Variants in MAD1L1 observed in about 807,000 individuals in gnomAD.
MAD1L1 encodes the protein mitotic arrest deficient 1 like 1, also known as mitotic spindle assembly checkpoint protein MAD1.
Under a neutral mutation model 96.9 loss-of-function variants are expected in MAD1L1, and 95 were observed. The observed-to-expected ratio is 0.98, with a 90% CI of 0.83 to 1.16. The LOEUF (loss-of-function observed/expected upper bound fraction) is 1.16. MAD1L1 is among the 50% of genes most tolerant of loss of function. MAD1L1 has a pLI of 0.00. For synonymous variants in MAD1L1, 473 were observed against 396.6 expected (o/e 1.19, Z -2.29); for missense variants, 1,007 against 954.4 (o/e 1.06, Z -0.73).
At chr7:2,031,625 T>C (rs3934792) in intron 12 of MAD1L1, among the ~76,000 whole-genome samples, 29,104 of 152,278 alleles carry the variant, frequency 0.19, 5,493 homozygotes, top group African/African-American at 0.48. Flanking sequence ...GTGGGTGCCG[T>C]GCACATCTGG....
intron 11 of MAD1L1, among the ~76,000 whole-genome samples, chr7:2,118,548 G>A (rs908504574): frequency 9.2e-5 from 14 of 152,210 alleles, no homozygotes; most frequent in African/African-American, 3.4e-4. Context: ...CAACACACTG[G>A]GCCAGCATTT....
chr7:2,219,413 C>G lies in MAD1L1; in HGVS notation c.515G>C (p.Ser172Thr), dbSNP rs1215004419. ...LKGRISELQW[S>T]VMDQEMRVKR... ...CACCCGCATCTCCTGGTCCATCACG[C>G]TCCACTGCAGTTCCGAGATCCTCCC... The change falls in exon 6 of 19, where the codon AGC becomes ACC. Residue 172 changes from serine to threonine, a missense_variant. Transcript: ENST00000265854. The G allele has an allele frequency of 6.2e-7, 1 of 1,613,358 alleles. No individual in the cohort carries two copies.
At chr7:2,002,569 G>C (rs1781846436) in intron 13 of MAD1L1, among the ~76,000 whole-genome samples, 1 of 152,136 alleles carries the variant, frequency 6.6e-6, no homozygotes, top group Admixed American at 6.5e-5. Context: ...CCAGGCAGAG[G>C]CCCCACCTCA....
chr7:2,218,571 G>A (rs556072875), intron 6 of MAD1L1, among the ~76,000 whole-genome samples: 61 of 152,206 alleles, frequency 4.0e-4, no homozygotes, highest in African/African-American at 1.4e-3. Context: ...TCCCTTCCCA[G>A]CCACGCCCCC....
rs1237678746 is a variant in MAD1L1, at chr7:2,146,939, T to G, written c.1073+2213A>C. ...GCAAGCACCAAGGCCACGACGGGACTCATCCACACCTCATTGGCCACTGCC... is the reference window on the plus strand; with the variant it reads ...GCAAGCACCAAGGCCACGACGGGACGCATCCACACCTCATTGGCCACTGCC... On this transcript the variant is annotated intron_variant, in intron 11 of 18. Transcript: ENST00000265854. This position sits in a 1 kb window ranked among gnomAD's most constrained non-coding sequence, Gnocchi z 6.2. 6.6e-6 allele frequency among the ~76,000 whole-genome samples: 1 copy of G among 152,012 alleles called. No homozygotes were observed. The highest frequency in any genetic ancestry group is 1.5e-5 in the Non-Finnish European group (1 of 68,000).
chr7:2,131,269 G>T (rs1241474654), intron 11 of MAD1L1, among the ~76,000 whole-genome samples: 1 of 152,154 alleles, frequency 6.6e-6, no homozygotes, highest in Non-Finnish European at 1.5e-5. Flanking sequence ...AAACAGAAGG[G>T]ACGCATGTAC....
intron 14 of MAD1L1, among the ~76,000 whole-genome samples, chr7:1,983,077 C>A (rs561064753): frequency 6.6e-6 from 1 of 152,130 alleles, no homozygotes; most frequent in Admixed American, 6.5e-5. Context: ...CACTGATACA[C>A]GTATGCGCGT....
At chr7:2,203,502 A>T (rs1792425450) in intron 10 of MAD1L1, among the ~76,000 whole-genome samples, 1 of 152,212 alleles carries the variant, frequency 6.6e-6, no homozygotes, top group Non-Finnish European at 1.5e-5. Context: ...TGAACTAAAA[A>T]TCATCCTTTT....
In MAD1L1 at chr7:2,142,179, C is replaced by T. The variant is rs971115105; in HGVS notation, c.1073+6973G>A. 3.3e-5 allele frequency among the ~76,000 whole-genome samples: 5 copies of T among 152,236 alleles called. No homozygotes were observed. Among genetic ancestry groups the T allele is most frequent in the African/African-American group, 9.6e-5 (4 of 41,464 alleles). Reference sequence around the variant, plus strand: ...ACAGACAACTGACTCACGAGAGAGACGGCTTTTCAAAGGGCCCACACTAGC... The same window carrying T: ...ACAGACAACTGACTCACGAGAGAGATGGCTTTTCAAAGGGCCCACACTAGC... On this transcript the variant is annotated intron_variant, in intron 11 of 18. Transcript: ENST00000265854. The surrounding 1 kb of genome is among the most constrained non-coding windows in gnomAD (Gnocchi z 4.7).
chr7:1,842,927 G>A (rs1277145894), intron 18 of MAD1L1, among the ~76,000 whole-genome samples: 1 of 152,252 alleles, frequency 6.6e-6, no homozygotes, highest in Non-Finnish European at 1.5e-5. Flanking sequence ...GAGCTCAGGG[G>A]CTGGCTGGGG....
intron 18 of MAD1L1, among the ~76,000 whole-genome samples, chr7:1,886,637 G>T (rs1431669799): frequency 6.6e-6 from 1 of 152,234 alleles, no homozygotes; most frequent in African/African-American, 2.4e-5. Context: ...ACACTTCCAG[G>T]ACAGCAGGGG....
intron 17 of MAD1L1, among the ~76,000 whole-genome samples, chr7:1,922,669 A>G (rs1490124951): frequency 3.3e-5 from 5 of 152,176 alleles, no homozygotes; most frequent in Non-Finnish European, 7.4e-5. Context: ...GCTCTGGGAC[A>G]TGGACCAAGG....
chr7:1,882,547 GGTGGCCTTGTCA>G (rs1167855543), intron 18 of MAD1L1, among the ~76,000 whole-genome samples: 1 of 152,186 alleles, frequency 6.6e-6, no homozygotes, highest in African/African-American at 2.4e-5. Context: ...GGACTGCTGG[GGTGGCCTTGTCA>G]GTTAACTACT....
At chr7:2,003,789 C>G (rs1334234128) in intron 13 of MAD1L1, among the ~76,000 whole-genome samples, 2 of 152,198 alleles carry the variant, frequency 1.3e-5, no homozygotes, top group African/African-American at 2.4e-5. Context: ...CATCAGGAGG[C>G]AGGTGGCCGT....
intron 11 of MAD1L1, among the ~76,000 whole-genome samples, chr7:2,139,547 A>G (rs2128573417): frequency 6.6e-6 from 1 of 152,338 alleles, no homozygotes; most frequent in African/African-American, 2.4e-5. Flanking sequence ...TACAACACTC[A>G]TGCTGGGAGA....
At chr7:2,163,615 C>T (rs1584462660) in intron 10 of MAD1L1, among the ~76,000 whole-genome samples, 2 of 152,132 alleles carry the variant, frequency 1.3e-5, no homozygotes, top group Non-Finnish European at 2.9e-5. Flanking sequence ...CCTCATGATC[C>T]GCCCGCCTTG....
At chr7:1,974,387 A>G (rs1780537107) in intron 15 of MAD1L1, among the ~76,000 whole-genome samples, 1 of 152,314 alleles carries the variant, frequency 6.6e-6, no homozygotes, top group Admixed American at 6.5e-5. Context: ...AGCAACTTAG[A>G]GCAACAGAGA....
At chr7:1,821,207 A>T (rs1050495473) in intron 18 of MAD1L1, among the ~76,000 whole-genome samples, 6 of 152,128 alleles carry the variant, frequency 3.9e-5, no homozygotes, top group Non-Finnish European at 8.8e-5. Flanking sequence ...TGATGCTCAT[A>T]ACAAACTGGA....
chr7:1,901,052 A>G (rs12672694), intron 17 of MAD1L1, among the ~76,000 whole-genome samples: 10,196 of 152,114 alleles, frequency 0.067, 829 homozygotes, highest in African/African-American at 0.19. Context: ...GGAAGGGTCC[A>G]TCCTCCATGC....
Sources: gnomAD v4.1 joint callset for allele counts (sites outside exome capture counted in the v4.1 genomes callset) on GRCh38, gnomAD v4.1.1 for gene constraint, Gnocchi (gnomAD v3.1) non-coding constraint, MANE v1.5 for transcripts, NCBI Gene and HGNC (gene_info 2026-07-23, HGNC 2026-07-21) for gene names.